The following SGMS1 variants were observed in gnomAD, a reference collection of about 807,000 sequenced individuals.
SGMS1 encodes phosphatidylcholine:ceramide cholinephosphotransferase 1.
A neutral mutation model predicts 46.2 loss-of-function variants in SGMS1; 13 were observed. The ratio of observed to expected loss-of-function variants is 0.28; its 90% CI spans 0.18 to 0.45. SGMS1 has a LOEUF of 0.45. Among genes scored for constraint, SGMS1 ranks in the 20% least tolerant of loss-of-function variants. SGMS1 has a pLI of 1.00. For synonymous variants in SGMS1, 203 were observed against 187.8 expected (o/e 1.08, Z -0.66); for missense variants, 324 against 519.9 (o/e 0.62, Z 3.66).
At chr10:50,403,803 T>C (rs556910196) in intron 6 of SGMS1, among the ~76,000 whole-genome samples, 5 of 150,728 alleles carry the variant, frequency 3.3e-5, no homozygotes, top group South Asian at 4.3e-4. Context: ...TCCACAGGTA[T>C]GGGACATGGT....
intron 8 of SGMS1, among the ~76,000 whole-genome samples, chr10:50,319,983 AT>A (rs1589383342): frequency 1.3e-5 from 2 of 152,148 alleles, no homozygotes; most frequent in Admixed American, 6.5e-5. Context: ...CAAAATAGTA[AT>A]TTTTTATTTC....
chr10:50,317,100 G>A (rs1175100310), intron 8 of SGMS1, among the ~76,000 whole-genome samples: 1 of 152,156 alleles, frequency 6.6e-6, no homozygotes, highest in Non-Finnish European at 1.5e-5. Flanking sequence ...GACCAGATCT[G>A]ATAAAGGAAT....
At chr10:50,413,226 C>T (rs1201285134) in intron 6 of SGMS1, among the ~76,000 whole-genome samples, 2 of 152,144 alleles carry the variant, frequency 1.3e-5, no homozygotes, top group African/African-American at 4.8e-5. Flanking sequence ...AAGAAACTTG[C>T]CCCAAATCAC....
chr10:50,509,133 T>C (rs1027437562), intron 3 of SGMS1, among the ~76,000 whole-genome samples: 1 of 152,208 alleles, frequency 6.6e-6, no homozygotes, highest in Non-Finnish European at 1.5e-5. Context: ...TGTGTAATCT[T>C]ATACATATTG....
intron 2 of SGMS1, among the ~76,000 whole-genome samples, chr10:50,561,232 G>C (rs1361912134): frequency 6.6e-6 from 1 of 152,066 alleles, no homozygotes; most frequent in Non-Finnish European, 1.5e-5. Flanking sequence ...ACCGTGTTTT[G>C]GGCACCAGTC....
At chr10:50,504,126 G>A (rs1320243377) in intron 3 of SGMS1, among the ~76,000 whole-genome samples, 1 of 152,174 alleles carries the variant, frequency 6.6e-6, no homozygotes, top group Non-Finnish European at 1.5e-5. Flanking sequence ...AGTCTGACAA[G>A]TATAAACAGA....
intron 6 of SGMS1, among the ~76,000 whole-genome samples, chr10:50,411,826 ACC>A (rs1238183569): frequency 6.6e-6 from 1 of 152,204 alleles, no homozygotes; most frequent in Admixed American, 6.5e-5. Flanking sequence ...AATACTGCTT[ACC>A]CAGCAACTCA....
chr10:50,582,429 G>A (rs146652560), intron 2 of SGMS1, among the ~76,000 whole-genome samples: 6 of 152,282 alleles, frequency 3.9e-5, no homozygotes, highest in African/African-American at 1.4e-4. Context: ...ACTGGCTGGC[G>A]GTCGTGAGAG....
chr10:50,485,521 T>A (rs976191527), intron 3 of SGMS1, among the ~76,000 whole-genome samples: 1 of 152,212 alleles, frequency 6.6e-6, no homozygotes, highest in African/African-American at 2.4e-5. Flanking sequence ...ACCATTGACA[T>A]TCTTCACAGA....
chr10:50,612,414 G>C (rs1164311725), intron 1 of SGMS1, among the ~76,000 whole-genome samples: 2 of 152,178 alleles, frequency 1.3e-5, no homozygotes, highest in Admixed American at 6.5e-5. Context: ...AAATTAAATA[G>C]GACTGGGGAA....
intron 8 of SGMS1, among the ~76,000 whole-genome samples, chr10:50,319,120 G>A (rs866133011): frequency 6.7e-6 from 1 of 148,522 alleles, no homozygotes; most frequent in African/African-American, 2.5e-5. Context: ...AAGTGTTGGA[G>A]GATCCTTCAG....
At chr10:50,610,609 C>G (rs1365879235) in intron 1 of SGMS1, among the ~76,000 whole-genome samples, 1 of 152,164 alleles carries the variant, frequency 6.6e-6, no homozygotes, top group African/African-American at 2.4e-5. Context: ...ACTGCCCAGC[C>G]AACTGCTTGG....
intron 1 of SGMS1, among the ~76,000 whole-genome samples, chr10:50,592,270 G>A (rs530779722): frequency 6.6e-6 from 1 of 152,184 alleles, no homozygotes; most frequent in Non-Finnish European, 1.5e-5. Context: ...TTAAGTAAAT[G>A]AATCAATAAT....
intron 6 of SGMS1, among the ~76,000 whole-genome samples, chr10:50,380,600 T>C (rs1819453625): frequency 6.6e-6 from 1 of 152,120 alleles, no homozygotes; most frequent in South Asian, 2.1e-4. Flanking sequence ...TGCCACTGCC[T>C]ACCTGGCTTC....
intron 8 of SGMS1, among the ~76,000 whole-genome samples, chr10:50,316,779 G>A (rs1006860457): frequency 5.3e-5 from 8 of 152,156 alleles, no homozygotes; most frequent in Non-Finnish European, 1.0e-4. Context: ...GGATCAGGAG[G>A]AGGAATGGTA....
In SGMS1 at chr10:50,623,860, G is replaced by A. The variant is rs1838882464; in HGVS notation, c.-837C>T. 1.0e-6 allele frequency: 1 copy of A among 986,074 alleles called. No individual in the cohort carries two copies. Among genetic ancestry groups the A allele is most frequent in the Non-Finnish European group, 1.2e-6 (1 of 830,516 alleles). The allele number at this position is 986,074 out of a possible 1,614,324, so 61.1% of individuals were successfully genotyped here. A position where few individuals can be genotyped will look rare whatever the true frequency, so the allele number is the denominator to read the frequency against. On this transcript the variant is annotated 5_prime_UTR_variant, in exon 1 of 11. Coordinates refer to ENST00000361781, the MANE Select transcript of SGMS1 (RefSeq NM_147156.4). Reference sequence around the variant, plus strand: ...AGGGGAGAGCAGTCAGCCCAGGCCGGTCCTTCTCACTCCCGACCTGCCCGC... The same window carrying A: ...AGGGGAGAGCAGTCAGCCCAGGCCGATCCTTCTCACTCCCGACCTGCCCGC...
chr10:50,524,829 A>G (rs562309546), intron 2 of SGMS1, among the ~76,000 whole-genome samples: 1 of 152,306 alleles, frequency 6.6e-6, no homozygotes, highest in South Asian at 2.1e-4. Context: ...AAGGCCCAGA[A>G]TGTCAATGGT....
Position 50,623,925 on chromosome 10 carries a change from C to G in SGMS1, c.-902G>C. On this transcript the variant is annotated 5_prime_UTR_variant, in exon 1 of 11. Transcript: ENST00000361781. Reference sequence around the variant, plus strand: ...AGCCGCTGCCCCGCTGGTGCGAACGCTTTCGACTTGCCACCGCGAGCCTCC... The same window carrying G: ...AGCCGCTGCCCCGCTGGTGCGAACGGTTTCGACTTGCCACCGCGAGCCTCC... The G allele has an allele frequency of 1.0e-6, 1 of 986,550 alleles. No individual in the cohort carries two copies. Among genetic ancestry groups the G allele is most frequent in the Middle Eastern group, 5.2e-4 (1 of 1,922 alleles). 61.1% of individuals were successfully genotyped at this position (986,550 alleles called of 1,614,324 possible).
chr10:50,542,808 C>A, intron 2 of SGMS1, among the ~76,000 whole-genome samples: 1 of 143,416 alleles, frequency 7.0e-6, no homozygotes, highest in East Asian at 2.0e-4. Flanking sequence ...TGTTTTTCAG[C>A]AACCATTCCT....
Sources: gnomAD v4.1 joint callset for allele counts (sites outside exome capture counted in the v4.1 genomes callset) on GRCh38, gnomAD v4.1.1 for gene constraint, MANE v1.5 for transcripts, NCBI Gene and HGNC (gene_info 2026-07-23, HGNC 2026-07-21) for gene names.